The following STARD6 variants were observed in gnomAD, a reference collection of about 807,000 sequenced individuals.
STARD6 encodes the protein stAR-related lipid transfer protein 6.
STARD6 carries 21 observed loss-of-function variants against 22.3 expected under a neutral mutation model. That is an observed-to-expected ratio of 0.94 (90% CI 0.67 to 1.35). STARD6 has a LOEUF of 1.35. Among genes scored for constraint, STARD6 ranks in the 40% most tolerant of loss-of-function variants. The probability of loss-of-function intolerance (pLI) is 0.00; values close to 1 mark genes in which losing one functional copy is unlikely to be tolerated. For synonymous variants in STARD6, 80 were observed against 88.1 expected, an observed-to-expected ratio of 0.91 and a Z score of 0.52; for missense variants, 269 against 266.9, an observed-to-expected ratio of 1.01 and a Z score of -0.05.
chr18:54,331,969 A>G, intron 5 of STARD6, 110 bp from the exon 6 acceptor site: 3 of 676,512 alleles, frequency 4.4e-6, no homozygotes. Context: ...TGGAAAAAGC[A>G]GGGCTTTGAA....
At chr18:54,341,348 C>T (rs557638856) in intron 4 of STARD6, among the ~76,000 whole-genome samples, 3 of 152,204 alleles carry the variant, frequency 2.0e-5, no homozygotes, top group African/African-American at 4.8e-5. Context: ...CGTGAGCCAC[C>T]GTGCCCGGCC....
chr18:54,330,953 ACTG>A (rs2088860408), intron 6 of STARD6, among the ~76,000 whole-genome samples: 1 of 152,120 alleles, frequency 6.6e-6, no homozygotes, highest in Non-Finnish European at 1.5e-5. Context: ...GAAAGAGCTA[ACTG>A]GGTTTGAATG....
intron 5 of STARD6, among the ~76,000 whole-genome samples, chr18:54,334,164 T>C (rs1398771583): frequency 1.3e-5 from 2 of 152,212 alleles, no homozygotes; most frequent in Non-Finnish European, 2.9e-5. Context: ...CAGTAAGCCC[T>C]ATTGACTCTA....
intron 1 of STARD6, among the ~76,000 whole-genome samples, chr18:54,356,681 A>G (rs1031852752): frequency 1.3e-5 from 2 of 152,234 alleles, no homozygotes; most frequent in Non-Finnish European, 2.9e-5. Flanking sequence ...GTTTAAAAAG[A>G]CACTTAGGTG....
intron 4 of STARD6, among the ~76,000 whole-genome samples, chr18:54,342,254 A>G (rs2088975569): frequency 1.3e-5 from 2 of 152,232 alleles, no homozygotes; most frequent in African/African-American, 4.8e-5. Flanking sequence ...CCCCACAAAA[A>G]GAGCCCATGC....
chr18:54,332,795 C>T (rs2088875952), intron 5 of STARD6, among the ~76,000 whole-genome samples: 1 of 152,122 alleles, frequency 6.6e-6, no homozygotes, highest in Non-Finnish European at 1.5e-5. Flanking sequence ...ATTCCAGCTA[C>T]TTGGGAGGCT....
chr18:54,340,517 C>T (rs7233333), intron 4 of STARD6, among the ~76,000 whole-genome samples: 1 of 151,950 alleles, frequency 6.6e-6, no homozygotes, highest in African/African-American at 2.4e-5. Flanking sequence ...ATGAGACATA[C>T]AGAAAACAAA....
chr18:54,354,187 C>CT (rs1410257799), intron 3 of STARD6, 84 bp from the exon 4 acceptor site: 40 of 904,444 alleles, frequency 4.4e-5, no homozygotes, highest in South Asian at 1.4e-4. Flanking sequence ...AGTAAAAACA[C>CT]TTTTTTTTCT....
At position 54,324,721 on chromosome 18, in the gene STARD6, GTCTT is replaced by G; in HGVS notation, c.630_633del (p.Arg211ValfsTer21). 6.2e-7 allele frequency: 1 copy of G among 1,612,960 alleles called. No homozygotes were observed. The highest frequency in any genetic ancestry group is 8.5e-7 in the Non-Finnish European group (1 of 1,179,504). On this transcript the variant is annotated frameshift_variant, in exon 8 of 8. Transcript: ENST00000307844. LOFTEE classifies it low-confidence loss of function (END_TRUNC). ...GAATGACTATTATGATGAAATCCAC[GTCTT>G]GATGGAGTTCTGTGTGCCTTTATTC...
intron 4 of STARD6, among the ~76,000 whole-genome samples, chr18:54,339,127 G>GA (rs202065894): frequency 0.078 from 8,727 of 111,198 alleles, 324 homozygotes; most frequent in African/African-American, 0.096. Context: ...ACGAAAGCAG[G>GA]AAAAAAAAAA....
chr18:54,355,968 TG>T (rs1206948502), intron 2 of STARD6: 1 of 152,186 alleles, frequency 6.6e-6, no homozygotes, highest in African/African-American at 2.4e-5. Context: ...ATCTATAGAA[TG>T]GGGATAATAA....
chr18:54,329,434 C>T lies in STARD6; in HGVS notation c.392G>A (p.Ser131Asn). Residue 131 changes from serine (S) to asparagine (N), a missense_variant, in exon 7 of 8, where the codon AGT becomes AAT. Physicochemically the swap from Ser to Asn is conservative, Grantham distance 46. Coordinates refer to ENST00000307844, the MANE Select transcript of STARD6 (RefSeq NM_139171.2). ...EGNMNIISSK[S>N]VDFPEYPPSS... ...TGGAGGATATTCTGGAAAATCCACA[C>T]TTTTAGCTAAGAGATTTTAAAAAAT... The T allele has an allele frequency of 6.3e-7, 1 of 1,596,748 alleles. No homozygotes were observed.
intron 4 of STARD6, among the ~76,000 whole-genome samples, chr18:54,344,880 G>T (rs2089021018): frequency 6.6e-6 from 1 of 152,166 alleles, no homozygotes; most frequent in African/African-American, 2.4e-5. Flanking sequence ...AGAATGAGGG[G>T]TATAGGGAAA....
At chr18:54,327,917 G>A (rs2088837293) in intron 7 of STARD6, among the ~76,000 whole-genome samples, 2 of 151,350 alleles carry the variant, frequency 1.3e-5, no homozygotes, top group Admixed American at 6.6e-5. Flanking sequence ...ACCTGTTCCA[G>A]AAATAAGAAA....
intron 1 of STARD6, among the ~76,000 whole-genome samples, 185 bp downstream of exon 1, chr18:54,357,607 A>G (rs921859993): frequency 4.6e-5 from 7 of 152,118 alleles, no homozygotes; most frequent in Admixed American, 2.6e-4. Context: ...CAGCGCCCTT[A>G]AGTCTCCCTC....
chr18:54,342,629 G>A (rs995928034), intron 4 of STARD6, among the ~76,000 whole-genome samples: 4 of 119,900 alleles, frequency 3.3e-5, no homozygotes, highest in Admixed American at 1.6e-4. Context: ...GCGCCGCCAC[G>A]CCTGACTGGT....
intron 4 of STARD6, among the ~76,000 whole-genome samples, chr18:54,342,423 G>GTCTCCGTCTCCC (rs1555681159): frequency 1.0e-4 from 12 of 118,266 alleles, no homozygotes; most frequent in African/African-American, 4.6e-4. Context: ...AATGCTCTCC[G>GTCTCCGTCTCCC]TCTCCCTCTC....
intron 4 of STARD6, among the ~76,000 whole-genome samples, chr18:54,352,899 G>A (rs748402507): frequency 3.3e-5 from 5 of 152,170 alleles, no homozygotes; most frequent in Admixed American, 6.5e-5. Context: ...GGTCTGATCT[G>A]TAAGATACCA....
chr18:54,332,755 C>T (rs1390718960), intron 5 of STARD6, among the ~76,000 whole-genome samples: 1 of 152,152 alleles, frequency 6.6e-6, no homozygotes, highest in African/African-American at 2.4e-5. Context: ...AAGACACATC[C>T]TTGACCAGGC....
Sources: gnomAD v4.1 joint callset for allele counts (sites outside exome capture counted in the v4.1 genomes callset) on GRCh38, gnomAD v4.1.1 for gene constraint, MANE v1.5 for transcripts, NCBI Gene and HGNC (gene_info 2026-07-23, HGNC 2026-07-21) for gene names.